UBE2D1: variants seen among roughly 807,000 people sequenced by gnomAD.
The protein encoded by UBE2D1 is ubiquitin-conjugating enzyme E2 D1.
Under a neutral mutation model 24.6 loss-of-function variants are expected in UBE2D1, and 9 were observed. The observed-to-expected ratio is 0.37, with a 90% CI of 0.22 to 0.64. The LOEUF (loss-of-function observed/expected upper bound fraction) is 0.64, where lower values mean the gene tolerates loss of function less well. Ranked by LOEUF, UBE2D1 falls within the 30% of genes least tolerant of loss-of-function variation. The pLI, the probability that UBE2D1 is intolerant of heterozygous loss-of-function variation, is 0.64. For missense variants in UBE2D1, 87 were observed against 177.1 expected, an observed-to-expected ratio of 0.49 and a Z score of 2.89; for synonymous variants, 57 against 57.6, an observed-to-expected ratio of 0.99 and a Z score of 0.04.
intron 5 of UBE2D1, among the ~76,000 whole-genome samples, chr10:58,365,258 C>A (rs891884860): frequency 1.7e-4 from 26 of 151,922 alleles, no homozygotes; most frequent in East Asian, 5.8e-4. Flanking sequence ...TTGCTTGAGC[C>A]CGAGTTCGAG....
At chr10:58,352,036 C>T (rs1422651656) in intron 1 of UBE2D1, among the ~76,000 whole-genome samples, 1 of 152,074 alleles carries the variant, frequency 6.6e-6, no homozygotes, top group Non-Finnish European at 1.5e-5. Context: ...TGACCCAGCA[C>T]CATCTATTGA....
intron 1 of UBE2D1, among the ~76,000 whole-genome samples, chr10:58,357,972 C>T (rs540108736): frequency 6.6e-6 from 1 of 152,134 alleles, no homozygotes; most frequent in South Asian, 2.1e-4. Context: ...TTAGCCCTAA[C>T]TTCTAACAGA....
At chr10:58,360,243 A>G (rs1840179557) in intron 1 of UBE2D1, among the ~76,000 whole-genome samples, 1 of 152,184 alleles carries the variant, frequency 6.6e-6, no homozygotes, top group Non-Finnish European at 1.5e-5. Flanking sequence ...CTTAAATGTC[A>G]CTTCCTCAGA....
chr10:58,361,692 G>T (rs554691345), intron 3 of UBE2D1, among the ~76,000 whole-genome samples, 166 bp downstream of exon 3: 49 of 152,102 alleles, frequency 3.2e-4, no homozygotes, highest in South Asian at 6.2e-4. Flanking sequence ...CAAAGCATTG[G>T]TGGCAAATAT....
intron 1 of UBE2D1, among the ~76,000 whole-genome samples, chr10:58,358,005 A>AAATAAT (rs199738140): frequency 6.6e-6 from 1 of 152,044 alleles, no homozygotes; most frequent in African/African-American, 2.4e-5. Flanking sequence ...AGTGCATCAA[A>AAATAAT]AATAATAATA....
chr10:58,361,192 T>C lies in UBE2D1; in HGVS notation c.25-146T>C, dbSNP rs1465792700. On this transcript the variant is annotated intron_variant, in intron 1 of 6. Coordinates refer to ENST00000373910, the MANE Select transcript of UBE2D1 (RefSeq NM_003338.5). ...GTACCTTATTCTTTCTACCAGTCAA[T>C]GACAGAGTACAATTTATGTTTTTAT... 3 of 779,882 alleles carry C rather than the reference T, an allele frequency of 3.8e-6. No individual in the cohort carries two copies. The African/African-American group carries it at 5.2e-5, about 14-fold the overall frequency. 48.3% of individuals were successfully genotyped at this position (779,882 alleles called of 1,614,324 possible).
rs778734786 is a variant in UBE2D1 at position 58,361,540 on chromosome 10, A to G, written c.120+14A>G. ...ATTATGGGGCCTGTAAGTATGATTC[A>G]TATCTATGAAATTAACCCCCTCAGC... On this transcript the variant is annotated intron_variant, in intron 3 of 6. Transcript: ENST00000373910. 3.7e-6 allele frequency: 6 copies of G among 1,613,930 alleles called. No homozygotes were observed. Among genetic ancestry groups the G allele is most frequent in the Admixed American group, 1.7e-5 (1 of 60,022 alleles).
intron 1 of UBE2D1, among the ~76,000 whole-genome samples, chr10:58,345,433 C>T (rs1269675250): frequency 6.6e-6 from 1 of 152,124 alleles, no homozygotes; most frequent in African/African-American, 2.4e-5. Context: ...TGTGATTGTG[C>T]CACTGCACTT....
Position 58,361,376 on chromosome 10 carries a change from T to C in UBE2D1, c.63T>C (p.Cys21=), listed in dbSNP as rs1840195994. ...TACAGCGCGATCCACCTGCTCACTG[T>C]TCAGCTGGACCTGTGGGAGATGACT... ...SDLQRDPPAH[C]SAGPVGDDLF... Residue 21 remains cysteine, a synonymous_variant, in exon 2 of 7, where the codon TGT becomes TGC. Coordinates refer to ENST00000373910, the MANE Select transcript of UBE2D1 (RefSeq NM_003338.5). 1 of 1,614,194 alleles carries C rather than the reference T, an allele frequency of 6.2e-7. No homozygotes were observed. Among genetic ancestry groups the C allele is most frequent in the African/African-American group, 1.3e-5 (1 of 75,060 alleles).
intron 1 of UBE2D1, among the ~76,000 whole-genome samples, chr10:58,336,712 A>G (rs1446214980): frequency 6.6e-6 from 1 of 152,368 alleles, no homozygotes; most frequent in African/African-American, 2.4e-5. Flanking sequence ...ACGAAGTAAT[A>G]TTGGTTCACA....
At chr10:58,360,744 AC>A (rs1840186477) in intron 1 of UBE2D1, among the ~76,000 whole-genome samples, 1 of 152,124 alleles carries the variant, frequency 6.6e-6, no homozygotes, top group East Asian at 1.9e-4. Flanking sequence ...ACATGGCGAG[AC>A]CCCATCTCTA....
chr10:58,365,875 T>G (rs544232823), intron 5 of UBE2D1, among the ~76,000 whole-genome samples: 1 of 152,234 alleles, frequency 6.6e-6, no homozygotes, highest in African/African-American at 2.4e-5. Flanking sequence ...ATATACAGCA[T>G]GTTTTTAAAA....
chr10:58,345,661 T>A (rs1035574544), intron 1 of UBE2D1, among the ~76,000 whole-genome samples: 4 of 152,058 alleles, frequency 2.6e-5, no homozygotes, highest in Non-Finnish European at 4.4e-5. Flanking sequence ...GAAAATACAA[T>A]ATATTTAAAC....
rs1317112227 is a variant in UBE2D1 at position 58,370,706 on chromosome 10, G to T, written c.*1941G>T. On this transcript the variant is annotated 3_prime_UTR_variant, in exon 7 of 7. Transcript: ENST00000373910. ...TTCATTTGTGTGGCATTTATTTTTG[G>T]AAGTGTCTTCTTTTTTTTCTTTATT... 1 of 150,742 alleles carries T rather than the reference G, an allele frequency of 6.6e-6. No individual in the cohort carries two copies. Among genetic ancestry groups the T allele is most frequent in the African/African-American group, 2.4e-5 (1 of 41,004 alleles). 9.3% of individuals were successfully genotyped at this position (150,742 alleles called of 1,614,324 possible).
At chr10:58,351,461 T>C (rs550117339) in intron 1 of UBE2D1, among the ~76,000 whole-genome samples, 1 of 152,304 alleles carries the variant, frequency 6.6e-6, no homozygotes, top group East Asian at 1.9e-4. Flanking sequence ...ACCCACACAT[T>C]AGCCTAGGCT....
intron 4 of UBE2D1, 55 bp downstream of exon 4, chr10:58,363,741 T>C: frequency 7.6e-7 from 1 of 1,322,426 alleles, no homozygotes; most frequent in Non-Finnish European, 1.1e-6. Flanking sequence ...TTATTCTTTA[T>C]CTAGAGCTCA....
At chr10:58,351,167 T>C (rs1321249546) in intron 1 of UBE2D1, among the ~76,000 whole-genome samples, 1 of 152,242 alleles carries the variant, frequency 6.6e-6, no homozygotes, top group Non-Finnish European at 1.5e-5. Context: ...CCGTAGACTT[T>C]ATAAACACTG....
At position 58,368,788 on chromosome 10, in the gene UBE2D1, T is replaced by C; in HGVS notation, c.*23T>C. The C allele has an allele frequency of 6.6e-7, 1 of 1,519,520 alleles. No individual in the cohort carries two copies. The highest frequency in any genetic ancestry group is 8.9e-7 in the Non-Finnish European group (1 of 1,119,694). 94.1% of individuals were successfully genotyped at this position (1,519,520 alleles called of 1,614,324 possible). A position where few individuals can be genotyped will look rare whatever the true frequency, so the allele number is the denominator to read the frequency against. ...TAAAAATCAAAAACATTTTCATATA[T>C]ACCAGAGTACTGTAAAATCTAGGTT... On this transcript the variant is annotated 3_prime_UTR_variant, in exon 7 of 7. Transcript: ENST00000373910.
At chr10:58,353,077 A>G (rs1174847438) in intron 1 of UBE2D1, among the ~76,000 whole-genome samples, 1 of 152,236 alleles carries the variant, frequency 6.6e-6, no homozygotes, top group Non-Finnish European at 1.5e-5. Context: ...TCTTGTAAAA[A>G]TATTGTTTCC....
Sources: gnomAD v4.1 joint callset for allele counts (sites outside exome capture counted in the v4.1 genomes callset) on GRCh38, gnomAD v4.1.1 for gene constraint, MANE v1.5 for transcripts, NCBI Gene and HGNC (gene_info 2026-07-23, HGNC 2026-07-21) for gene names.